The following PCDHGA2 variants were observed in gnomAD, a reference collection of about 807,000 sequenced individuals.
PCDHGA2 encodes protocadherin gamma subfamily A, 2.
PCDHGA2 carries 40 observed loss-of-function variants against 59.2 expected under a neutral mutation model. The ratio of observed to expected loss-of-function variants is 0.68; its 90% CI spans 0.52 to 0.88. The LOEUF is 0.88. Ranked by LOEUF, PCDHGA2 falls within the 40% of genes least tolerant of loss-of-function variation. The pLI is 0.00. For synonymous variants in PCDHGA2, 560 were observed against 526.0 expected (o/e 1.06, Z -0.89); for missense variants, 1,226 against 1,204.0 (o/e 1.02, Z -0.27).
chr5:141,383,810 T>C (rs879645741), intron 1 of PCDHGA2: 2 of 1,613,958 alleles, frequency 1.2e-6, no homozygotes, highest in Non-Finnish European at 8.5e-7. Context: ...ATATCAACTT[T>C]AGAAGGATTA....
rs1267722283 is a variant in PCDHGA2 at position 141,493,105 on chromosome 5, G to A, written c.2425-1702G>A. Reference sequence around the variant, plus strand: ...GAGCTTTTATTCAAAATATATCAATGCCTAACTCTGCTCCTAGGACTGTAT... The same window carrying A: ...GAGCTTTTATTCAAAATATATCAATACCTAACTCTGCTCCTAGGACTGTAT... On this transcript the variant is annotated intron_variant, in intron 1 of 3. Coordinates refer to ENST00000394576, the MANE Select transcript of PCDHGA2 (RefSeq NM_018915.4). This position sits in a 1 kb window ranked among gnomAD's most constrained non-coding sequence, Gnocchi z 4.3. Among the ~76,000 whole-genome samples, 1 of 152,076 alleles carries A rather than the reference G, an allele frequency of 6.6e-6. No homozygotes were observed. Among genetic ancestry groups the A allele is most frequent in the Non-Finnish European group, 1.5e-5 (1 of 67,994 alleles).
chr5:141,414,434 C>T (rs774467993), intron 1 of PCDHGA2: 5 of 1,613,704 alleles, frequency 3.1e-6, no homozygotes, highest in Non-Finnish European at 3.4e-6. Context: ...GAACAGGTAT[C>T]CTCTTACAAT....
At chr5:141,384,331 G>T (rs376216978) in intron 1 of PCDHGA2, 21 of 1,613,846 alleles carry the variant, frequency 1.3e-5, no homozygotes, top group African/African-American at 2.7e-5. Context: ...GACTGCACAG[G>T]ACCACGACAG....
chr5:141,485,826 G>A lies in PCDHGA2; in HGVS notation c.2425-8981G>A. The A allele has an allele frequency of 6.2e-7, 1 of 1,614,070 alleles. No individual in the cohort carries two copies. Among genetic ancestry groups the A allele is most frequent in the South Asian group, 1.1e-5 (1 of 91,078 alleles). Reference sequence around the variant, plus strand: ...CTGGTGCTGACTGCTGTCGATGGAGGGAACCCGCCGAGATCTGGCACCGCA... The same window carrying A: ...CTGGTGCTGACTGCTGTCGATGGAGAGAACCCGCCGAGATCTGGCACCGCA... On this transcript the variant is annotated intron_variant, in intron 1 of 3. Transcript: ENST00000394576. The surrounding 1 kb of genome is among the most constrained non-coding windows in gnomAD (Gnocchi z 5.7).
In PCDHGA2 at chr5:141,383,840, T is replaced by C. The variant is rs190731749; in HGVS notation, c.2424+42445T>C. 1.9e-6 allele frequency: 3 copies of C among 1,613,952 alleles called. No homozygotes were observed. In the East Asian group the frequency reaches 6.7e-5, roughly 36 times the overall value. Reference sequence around the variant, plus strand: ...GGATTAGATTATGAAGAAACTGCCTTCTATGAAATGGAGGTTCAGGCTCAA... The same window carrying C: ...GGATTAGATTATGAAGAAACTGCCTCCTATGAAATGGAGGTTCAGGCTCAA... On this transcript the variant is annotated intron_variant, in intron 1 of 3. Transcript: ENST00000394576.
chr5:141,362,460 TC>T (rs755603775), intron 1 of PCDHGA2: 4 of 1,614,026 alleles, frequency 2.5e-6, no homozygotes, highest in Non-Finnish European at 3.4e-6. Context: ...CGGAATTGGT[TC>T]CCGCGCAAGA....
chr5:141,422,070 A>G (rs1202364320), intron 1 of PCDHGA2: 3 of 1,612,480 alleles, frequency 1.9e-6, no homozygotes, highest in Non-Finnish European at 2.5e-6. Context: ...TAATGTATTC[A>G]TTTCGGAACA....
At position 141,511,482 on chromosome 5, in the gene PCDHGA2, C is replaced by A. The variant is rs761434245; in HGVS notation, c.*309C>A. ...CACACCCCGTTTAGTTACAGCTGAA[C>A]TCCTCCATCTTCCAAATCAATCAGG... On this transcript the variant is annotated 3_prime_UTR_variant, in exon 4 of 4. Coordinates refer to ENST00000394576, the MANE Select transcript of PCDHGA2 (RefSeq NM_018915.4). The A allele has an allele frequency of 2.4e-4, 113 of 464,462 alleles. No homozygotes were observed. Among genetic ancestry groups the A allele is most frequent in the Non-Finnish European group, 4.0e-4 (105 of 260,154 alleles). The allele number at this position is 464,462 out of a possible 1,614,324, so 28.8% of individuals were successfully genotyped here. A position where few individuals can be genotyped will look rare whatever the true frequency, so the allele number is the denominator to read the frequency against.
In PCDHGA2 at chr5:141,340,283, A is replaced by T; in HGVS notation, c.1312A>T (p.Ile438Phe). Residue 438 changes from isoleucine (I) to phenylalanine (F), a missense_variant, in exon 1 of 4, where the codon ATT becomes TTT. By Grantham distance (21) the Ile-to-Phe change is conservative. Transcript: ENST00000394576. Reference protein sequence around the residue: ...GNPSLSTDAHILLQVADINDN... With the variant: ...GNPSLSTDAHFLLQVADINDN... ...CCCCTCCCTGTCCACGGATGCTCAC[A>T]TTTTGCTCCAGGTGGCAGACATCAA... 3 of 1,614,112 alleles carry T rather than the reference A, an allele frequency of 1.9e-6. No homozygotes were observed. Among genetic ancestry groups the T allele is most frequent in the Non-Finnish European group, 2.5e-6 (3 of 1,180,014 alleles).
intron 1 of PCDHGA2, chr5:141,405,187 G>T (rs372851700): frequency 9.3e-6 from 15 of 1,613,480 alleles, no homozygotes; most frequent in Non-Finnish European, 1.3e-5. Flanking sequence ...GTGTAGATGG[G>T]GTTCGAGCTT....
intron 1 of PCDHGA2, chr5:141,433,165 C>T: frequency 2.5e-6 from 4 of 1,613,470 alleles, no homozygotes; most frequent in Non-Finnish European, 2.5e-6. Context: ...TTTCTAAAGA[C>T]AGTCATGGGT....
At chr5:141,450,676 G>A (rs1174388119) in intron 1 of PCDHGA2, among the ~76,000 whole-genome samples, 5 of 151,796 alleles carry the variant, frequency 3.3e-5, no homozygotes, top group African/African-American at 7.3e-5. Flanking sequence ...TAGTAGAAAC[G>A]GGGTTTTGCC....
intron 1 of PCDHGA2, chr5:141,361,170 T>C (rs1561522819): frequency 6.2e-7 from 1 of 1,613,976 alleles, no homozygotes; most frequent in Non-Finnish European, 8.5e-7. Flanking sequence ...ATTGTGCACC[T>C]GAAGTTATTG....
In PCDHGA2 at chr5:141,493,026, C is replaced by T. The variant is rs73280358; in HGVS notation, c.2425-1781C>T. 6.6e-6 allele frequency among the ~76,000 whole-genome samples: 1 copy of T among 152,190 alleles called. No individual in the cohort carries two copies. The highest frequency in any genetic ancestry group is 1.5e-5 in the Non-Finnish European group (1 of 68,034). Reference sequence around the variant, plus strand: ...TAGGCTCTGCCAGATGCCAGGGTGCCCTTATGTGTGAGGAAACTACAATAG... The same window carrying T: ...TAGGCTCTGCCAGATGCCAGGGTGCTCTTATGTGTGAGGAAACTACAATAG... On this transcript the variant is annotated intron_variant, in intron 1 of 3. Coordinates refer to ENST00000394576, the MANE Select transcript of PCDHGA2 (RefSeq NM_018915.4). This position sits in a 1 kb window ranked among gnomAD's most constrained non-coding sequence, Gnocchi z 4.3.
At chr5:141,371,323 A>C in intron 1 of PCDHGA2, 5 of 1,614,012 alleles carry the variant, frequency 3.1e-6, no homozygotes, top group Non-Finnish European at 4.2e-6. Flanking sequence ...CTGGACTTTG[A>C]AGAGAGAGAT....
At chr5:141,371,220 G>T in intron 1 of PCDHGA2, 2 of 1,613,994 alleles carry the variant, frequency 1.2e-6, no homozygotes, top group Non-Finnish European at 1.7e-6. Flanking sequence ...CATCAATGCC[G>T]AAATCATCTA....
chr5:141,413,351 C>A (rs774333807), intron 1 of PCDHGA2: 6 of 1,613,932 alleles, frequency 3.7e-6, no homozygotes, highest in South Asian at 1.1e-5. Flanking sequence ...TTGGGTCTGG[C>A]GCCCCGGGAG....
chr5:141,366,285 C>T (rs1764466152), intron 1 of PCDHGA2: 4 of 1,613,710 alleles, frequency 2.5e-6, no homozygotes, highest in East Asian at 2.2e-5. Flanking sequence ...CATGGCCAGC[C>T]CCCTCTGTCA....
chr5:141,503,912 AAC>A lies in PCDHGA2; in HGVS notation c.2484-1471_2484-1470del, dbSNP rs34419983. Among the ~76,000 whole-genome samples, 284 of 152,278 alleles carry A rather than the reference AAC, an allele frequency of 1.9e-3. 1 individual carries two copies. The highest frequency in any genetic ancestry group is 0.014 in the Middle Eastern group (4 of 292). Reference sequence around the variant, plus strand: ...GACAAAATATGCACACACACAACGCAACACACACACAGACATTTTCATGCCTT... The same window carrying A: ...GACAAAATATGCACACACACAACGCAACACACACAGACATTTTCATGCCTT... On this transcript the variant is annotated intron_variant, in intron 2 of 3. Coordinates refer to ENST00000394576, the MANE Select transcript of PCDHGA2 (RefSeq NM_018915.4).
Sources: gnomAD v4.1 joint callset for allele counts (sites outside exome capture counted in the v4.1 genomes callset) on GRCh38, gnomAD v4.1.1 for gene constraint, Gnocchi (gnomAD v3.1) non-coding constraint, MANE v1.5 for transcripts, NCBI Gene and HGNC (gene_info 2026-07-23, HGNC 2026-07-21) for gene names.